The following CHIC2 variants were observed in gnomAD, a reference collection of about 807,000 sequenced individuals.
CHIC2 encodes the protein cysteine rich hydrophobic domain 2.
Under a neutral mutation model 25.9 loss-of-function variants are expected in CHIC2, and 14 were observed. The ratio of observed to expected loss-of-function variants is 0.54; its 90% confidence interval spans 0.36 to 0.85. The LOEUF (loss-of-function observed/expected upper bound fraction) is 0.85, where lower values mean the gene tolerates loss of function less well. Among genes scored for constraint, CHIC2 ranks in the 40% least tolerant of loss-of-function variants. CHIC2 has a pLI of 0.01. For missense variants in CHIC2, 146 were observed against 202.0 expected, an observed-to-expected ratio of 0.72 and a Z score of 1.68; for synonymous variants, 70 against 72.0, an observed-to-expected ratio of 0.97 and a Z score of 0.14.
chr4:54,082,502 T>G, the CHIC2 span, among the ~76,000 whole-genome samples: 1 of 152,108 alleles, frequency 6.6e-6, no homozygotes, highest in Non-Finnish European at 1.5e-5. Flanking sequence ...GCAGGGTGTC[T>G]GAACCCTCCA....
the CHIC2 span, among the ~76,000 whole-genome samples, chr4:54,071,812 A>C: frequency 2.0e-5 from 3 of 151,552 alleles, no homozygotes; most frequent in African/African-American, 7.3e-5. Flanking sequence ...GTCTCTACTA[A>C]AAATAAATAC....
At chr4:54,053,556 C>CAAAAAAAAAAAAAAAAAAAAAA (rs59889546) in intron 1 of CHIC2, among the ~76,000 whole-genome samples, 2 of 73,978 alleles carry the variant, frequency 2.7e-5, no homozygotes, top group Admixed American at 1.5e-4. Flanking sequence ...GACTCAGTCT[C>CAAAAAAAAAAAAAAAAAAAAAA]AAAAAAAAAA....
chr4:54,077,553 G>C, the CHIC2 span, among the ~76,000 whole-genome samples: 1 of 152,132 alleles, frequency 6.6e-6, no homozygotes, highest in Non-Finnish European at 1.5e-5. Context: ...CAAATGAATA[G>C]TTCACACTAT....
intron 5 of CHIC2, among the ~76,000 whole-genome samples, chr4:54,012,464 C>G (rs1422868932): frequency 6.6e-6 from 1 of 152,062 alleles, no homozygotes; most frequent in Non-Finnish European, 1.5e-5. Flanking sequence ...ATCTGGAATT[C>G]ATAGCATTGG....
At chr4:54,048,883 AT>A (rs1716912631) in intron 3 of CHIC2, 71 bp downstream of exon 3, 5 of 1,279,638 alleles carry the variant, frequency 3.9e-6, no homozygotes, top group Non-Finnish European at 4.2e-6. Flanking sequence ...AATACAAAAA[AT>A]AAAAACTAGA....
rs1716919965 is a variant in CHIC2 at position 54,049,039 on chromosome 4, A to T, written c.246T>A (p.Asn82Lys). ...GGCAGCCACAAAGTAGCCAACGTAC[A>T]TTAACAGGAAGGTTCTTCTTAAGAC... ...NSCLKKNLPV[N>K]VRWLLCGCLC... Residue 82 changes from asparagine (N) to lysine (K), a missense_variant, in exon 3 of 6, where the codon AAT becomes AAA. By Grantham distance (94) the Asn-to-Lys change is moderately conservative. Coordinates refer to ENST00000263921, the MANE Select transcript of CHIC2 (RefSeq NM_012110.4). 7 of 1,612,354 alleles carry T rather than the reference A, an allele frequency of 4.3e-6. No homozygotes were observed. Among genetic ancestry groups the T allele is most frequent in the Non-Finnish European group, 5.9e-6 (7 of 1,179,166 alleles).
chr4:54,080,413 G>T, the CHIC2 span, among the ~76,000 whole-genome samples: 1 of 151,934 alleles, frequency 6.6e-6, no homozygotes, highest in Non-Finnish European at 1.5e-5. Context: ...GCAGGGTAAG[G>T]GGAAGAGATG....
chr4:54,087,519 AC>A, the CHIC2 span: 100 of 1,147,346 alleles, frequency 8.7e-5, no homozygotes, highest in Non-Finnish European at 1.1e-4. Context: ...CAGCTGCTCT[AC>A]AAATTTGAGA....
chr4:54,036,363 C>A (rs950513031), intron 3 of CHIC2, among the ~76,000 whole-genome samples: 1 of 152,118 alleles, frequency 6.6e-6, no homozygotes, highest in Non-Finnish European at 1.5e-5. Flanking sequence ...ACAAGCTGTA[C>A]AAGAAGCATG....
chr4:54,086,625 A>C, the CHIC2 span, among the ~76,000 whole-genome samples: 1 of 152,208 alleles, frequency 6.6e-6, no homozygotes, highest in Admixed American at 6.5e-5. Context: ...AGCATGGAAA[A>C]GGGATTGGGA....
At chr4:54,033,348 T>C (rs762915415) in intron 3 of CHIC2, among the ~76,000 whole-genome samples, 1 of 152,216 alleles carries the variant, frequency 6.6e-6, no homozygotes, top group Admixed American at 6.5e-5. Flanking sequence ...CATATCTTTT[T>C]TGGTGAGGTG....
the CHIC2 span, among the ~76,000 whole-genome samples, chr4:54,087,981 C>G: frequency 1.3e-5 from 2 of 152,000 alleles, no homozygotes; most frequent in African/African-American, 4.8e-5. Flanking sequence ...AAGTTGCTAC[C>G]AGGGTATGCA....
the CHIC2 span, among the ~76,000 whole-genome samples, chr4:54,091,018 A>G: frequency 3.3e-5 from 5 of 152,084 alleles, no homozygotes; most frequent in East Asian, 9.7e-4. Flanking sequence ...TCCCAAGCCC[A>G]AGTAGAGCCT....
chr4:54,036,162 T>C (rs1716378061), intron 3 of CHIC2, among the ~76,000 whole-genome samples: 1 of 152,204 alleles, frequency 6.6e-6, no homozygotes, highest in Non-Finnish European at 1.5e-5. Context: ...AGAATGTGTA[T>C]TTGCCTATTG....
chr4:54,009,955 A>T lies in CHIC2; in HGVS notation c.*140T>A, dbSNP rs757233438. ...GCACACTTAGAACATGCGGTTATTT[A>T]AAAAAAAAACAAAAACAAAAACAAA... On this transcript the variant is annotated 3_prime_UTR_variant, in exon 6 of 6. Coordinates refer to ENST00000263921, the MANE Select transcript of CHIC2 (RefSeq NM_012110.4). 2.4e-4 allele frequency: 104 copies of T among 431,036 alleles called. 2 individuals are homozygous for T. The highest frequency in any genetic ancestry group is 1.3e-3 in the South Asian group (29 of 22,664). The allele number at this position is 431,036 out of a possible 1,614,324, so 26.7% of individuals were successfully genotyped here.
At chr4:54,064,792 G>A, upstream of CHIC2, 1 of 367,034 alleles carries the variant, frequency 2.7e-6, no homozygotes. This position sits in a 1 kb window ranked among gnomAD's most constrained non-coding sequence, Gnocchi z 4.2. Flanking sequence ...GCTTCTACCC[G>A]CAGACGGCGA....
the CHIC2 span, among the ~76,000 whole-genome samples, chr4:54,084,108 T>C: frequency 6.6e-6 from 1 of 152,190 alleles, no homozygotes; most frequent in Non-Finnish European, 1.5e-5. Flanking sequence ...GTTCCACAGT[T>C]GTTGCATGCC....
upstream of CHIC2, among the ~76,000 whole-genome samples, chr4:54,065,819 T>G (rs1469239769): frequency 1.3e-5 from 2 of 151,902 alleles, no homozygotes; most frequent in African/African-American, 4.8e-5. Context: ...GCAAAGGAGG[T>G]CAATGAGGAC....
chr4:54,064,203 C>T lies in CHIC2; in HGVS notation c.98G>A (p.Arg33His). 6.2e-7 allele frequency: 1 copy of T among 1,605,092 alleles called. No homozygotes were observed. The highest frequency in any genetic ancestry group is 8.5e-7 in the Non-Finnish European group (1 of 1,175,980). The stretch of plus-strand genomic sequence containing the variant: ...TTACACGGTGACGTGACCGGAGCCG[C>T]GGACGACCACCGGGTCCGGCGAGTA... ...LKYSPDPVVV[R>H]GSGHVTVFGL... Residue 33 changes from arginine to histidine, a missense_variant, in exon 1 of 6, where the codon CGC becomes CAC. Physicochemically the swap from Arg to His is conservative, Grantham distance 29. Transcript: ENST00000263921. This position sits in a 1 kb window ranked among gnomAD's most constrained non-coding sequence, Gnocchi z 4.2.
Sources: allele counts gnomAD v4.1 joint callset (sites outside exome capture counted in the v4.1 genomes callset), GRCh38; gene constraint gnomAD v4.1.1; non-coding constraint Gnocchi (gnomAD v3.1); transcripts MANE v1.5; gene names NCBI Gene and HGNC (gene_info 2026-07-23, HGNC 2026-07-21).